The following CLEC7A variants were observed in gnomAD, a reference collection of about 807,000 sequenced individuals.
The protein encoded by CLEC7A is C-type lectin domain family 7 member A.
Under a neutral mutation model 26.9 loss-of-function variants are expected in CLEC7A, and 25 were observed. That is an observed-to-expected ratio of 0.93 (90% CI 0.68 to 1.30). The LOEUF (loss-of-function observed/expected upper bound fraction) is 1.30. CLEC7A is among the 50% of genes most tolerant of loss of function. The pLI is 0.00. For missense variants in CLEC7A, 275 were observed against 286.7 expected (o/e 0.96, Z 0.29); for synonymous variants, 100 against 99.5 (o/e 1.01, Z -0.03).
At chr12:10,128,878 G>A (rs888269335) in intron 1 of CLEC7A, among the ~76,000 whole-genome samples, 2 of 152,172 alleles carry the variant, frequency 1.3e-5, no homozygotes, top group Non-Finnish European at 2.9e-5. Flanking sequence ...CCAGAAAGCA[G>A]AAGAAAGCAA....
upstream of CLEC7A, chr12:10,130,204 G>A (rs775236528): frequency 4.6e-4 from 247 of 542,632 alleles, no homozygotes; most frequent in Admixed American, 1.4e-3. Flanking sequence ...GGTACTTACC[G>A]GAGTTTAACA....
At chr12:10,122,427 TA>T (rs1480311309) in intron 5 of CLEC7A, among the ~76,000 whole-genome samples, 1 of 152,124 alleles carries the variant, frequency 6.6e-6, no homozygotes, top group East Asian at 1.9e-4. Context: ...TGTGCTAAAT[TA>T]TTTTACTTTT....
At position 10,126,718 on chromosome 12, in the gene CLEC7A, C is replaced by A; in HGVS notation, c.203-10G>T. On this transcript the variant is annotated splice_polypyrimidine_tract_variant and intron_variant, in intron 2 of 5. Coordinates refer to ENST00000304084, the MANE Select transcript of CLEC7A (RefSeq NM_197947.3). ...TTGGATCTCCAAATAGCTTCACATA[C>A]CAACAATAATAATAGTGACAGAAAA... is the stretch of plus-strand genomic sequence containing the variant. 1 of 1,598,502 alleles carries A rather than the reference C, an allele frequency of 6.3e-7. No homozygotes were observed. Among genetic ancestry groups the A allele is most frequent in the East Asian group, 2.2e-5 (1 of 44,644 alleles).
At chr12:10,121,333 G>A (rs1026610138) in intron 5 of CLEC7A, among the ~76,000 whole-genome samples, 1 of 151,544 alleles carries the variant, frequency 6.6e-6, no homozygotes, top group Admixed American at 6.6e-5. Flanking sequence ...GGAAAGAAAG[G>A]GGAAAAAAAG....
chr12:10,127,128 T>C (rs2137455404), intron 2 of CLEC7A: 1 of 1,183,454 alleles, frequency 8.4e-7, no homozygotes, highest in South Asian at 1.4e-5. Flanking sequence ...TTTGACTAAT[T>C]AAGGAATGTC....
chr12:10,128,550 A>G (rs1473348417), intron 1 of CLEC7A, among the ~76,000 whole-genome samples: 2 of 152,120 alleles, frequency 1.3e-5, no homozygotes, highest in Admixed American at 1.3e-4. Context: ...TTCCCTTTTC[A>G]TATGTTTGTT....
At chr12:10,127,333 T>G in intron 2 of CLEC7A, 1 of 1,540,998 alleles carries the variant, frequency 6.5e-7, no homozygotes. Context: ...TTAATGTCCA[T>G]TTAGTGAATT....
chr12:10,120,477 T>C (rs147549897), intron 5 of CLEC7A, among the ~76,000 whole-genome samples: 2 of 152,216 alleles, frequency 1.3e-5, no homozygotes, highest in African/African-American at 2.4e-5. Context: ...ATACCTGTAA[T>C]GTACAGTTGG....
At chr12:10,125,854 C>T (rs567602845) in intron 3 of CLEC7A, among the ~76,000 whole-genome samples, 2 of 152,166 alleles carry the variant, frequency 1.3e-5, no homozygotes, top group African/African-American at 2.4e-5. Flanking sequence ...ATGTGACTTT[C>T]CAAGTGAGAA....
intron 1 of CLEC7A, among the ~76,000 whole-genome samples, chr12:10,128,808 G>T (rs1442442120): frequency 2.0e-5 from 3 of 152,094 alleles, no homozygotes; most frequent in African/African-American, 4.8e-5. Context: ...TCCTCAATAG[G>T]TTGCCCAAGA....
intron 4 of CLEC7A, among the ~76,000 whole-genome samples, chr12:10,124,479 T>A (rs1164172355): frequency 6.6e-6 from 1 of 152,236 alleles, no homozygotes; most frequent in Non-Finnish European, 1.5e-5. Context: ...TTTAAACTCC[T>A]ATAGAATTTA....
chr12:10,127,246 A>G lies in CLEC7A; in HGVS notation c.202+501T>C, dbSNP rs1036027101. 1.1e-5 allele frequency: 15 copies of G among 1,377,032 alleles called. No homozygotes were observed. The African/African-American group carries it at 2.0e-4, about 19-fold the overall frequency. The allele number at this position is 1,377,032 out of a possible 1,614,324, so 85.3% of individuals were successfully genotyped here. A position where few individuals can be genotyped will look rare whatever the true frequency, so the allele number is the denominator to read the frequency against. ...GACTTAAGACCAAGTGCCTCAGGAAATTTCTGGTGTATTCAAAGGTGTTTA... is the reference window on the plus strand; with the variant it reads ...GACTTAAGACCAAGTGCCTCAGGAAGTTTCTGGTGTATTCAAAGGTGTTTA... On this transcript the variant is annotated intron_variant, in intron 2 of 5. Transcript: ENST00000304084.
At chr12:10,121,686 T>C (rs1202416493) in intron 5 of CLEC7A, among the ~76,000 whole-genome samples, 1 of 152,256 alleles carries the variant, frequency 6.6e-6, no homozygotes, top group Non-Finnish European at 1.5e-5. Context: ...ATTAAAATTA[T>C]AGCCTTAAGT....
chr12:10,121,971 A>T (rs1948100700), intron 5 of CLEC7A, among the ~76,000 whole-genome samples: 1 of 152,166 alleles, frequency 6.6e-6, no homozygotes, highest in Non-Finnish European at 1.5e-5. Context: ...TCGCCATTGC[A>T]CTCCAGCCTG....
chr12:10,120,434 T>C (rs907605778), intron 5 of CLEC7A, among the ~76,000 whole-genome samples: 1 of 152,170 alleles, frequency 6.6e-6, no homozygotes, highest in Non-Finnish European at 1.5e-5. Flanking sequence ...CCTCTAATTC[T>C]ATACTTACTG....
In CLEC7A at chr12:10,117,589, T is replaced by C. The variant is rs935182428; in HGVS notation, c.*869A>G. On this transcript the variant is annotated 3_prime_UTR_variant, in exon 6 of 6. Transcript: ENST00000304084. ...GATATGGCAGATGTACTCTCTGAGC[T>C]ATTTAATTGATAAAGAAAAAGTAGG... is the stretch of plus-strand genomic sequence containing the variant. 2 of 151,396 alleles carry C rather than the reference T, an allele frequency of 1.3e-5. No individual in the cohort carries two copies. The highest frequency in any genetic ancestry group is 6.6e-5 in the Admixed American group (1 of 15,218). The allele number at this position is 151,396 out of a possible 1,614,324, so 9.4% of individuals were successfully genotyped here. A position where few individuals can be genotyped will look rare whatever the true frequency, so the allele number is the denominator to read the frequency against.
rs767348285 is a variant in CLEC7A at position 10,126,249 on chromosome 12, A to G, written c.340+322T>C. ...TAAAATGTCAATTCTGTAAGGGGAG[A>G]GAACACTTTTCTTTTATTTGTATCA... On this transcript the variant is annotated intron_variant, in intron 3 of 5. Coordinates refer to ENST00000304084, the MANE Select transcript of CLEC7A (RefSeq NM_197947.3). 217 of 980,128 alleles carry G rather than the reference A, an allele frequency of 2.2e-4. 1 individual carries two copies. Among genetic ancestry groups the G allele is most frequent in the Non-Finnish European group, 2.5e-4 (205 of 825,346 alleles). 60.7% of individuals were successfully genotyped at this position (980,128 alleles called of 1,614,324 possible).
chr12:10,127,358 GAC>G, intron 2 of CLEC7A: 1 of 1,581,452 alleles, frequency 6.3e-7, no homozygotes, highest in East Asian at 2.2e-5. Flanking sequence ...TCATTAGGAA[GAC>G]AGCACCATAT....
chr12:10,123,141 A>G (rs1441130040), intron 5 of CLEC7A, 104 bp downstream of exon 5: 4 of 700,734 alleles, frequency 5.7e-6, no homozygotes, highest in South Asian at 1.6e-5. Flanking sequence ...TTTCTCATAT[A>G]TGGTGAGCAA....
Sources: gnomAD v4.1 joint callset for allele counts (sites outside exome capture counted in the v4.1 genomes callset) on GRCh38, gnomAD v4.1.1 for gene constraint, MANE v1.5 for transcripts, NCBI Gene and HGNC (gene_info 2026-07-23, HGNC 2026-07-21) for gene names.